Variants in IL1RAPL1 observed in about 807,000 individuals in gnomAD.
IL1RAPL1 encodes the protein interleukin-1 receptor accessory protein-like 1.
A neutral mutation model predicts 48.4 loss-of-function variants in IL1RAPL1; 3 were observed. That is an observed-to-expected ratio of 0.06 (90% CI 0.03 to 0.16). The LOEUF is 0.16. Among genes scored for constraint, IL1RAPL1 ranks in the 10% least tolerant of loss-of-function variants. IL1RAPL1 has a pLI of 1.00. For missense variants in IL1RAPL1, 349 were observed against 530.6 expected, an observed-to-expected ratio of 0.66 and a Z score of 3.36; for synonymous variants, 185 against 187.7, an observed-to-expected ratio of 0.99 and a Z score of 0.12.
Position 29,277,189 on chromosome X carries a change from T to G in IL1RAPL1, c.83-5749T>G, listed in dbSNP as rs147073985. Among the ~76,000 whole-genome samples the G allele has an allele frequency of 4.9e-3, 555 of 112,184 alleles. 3 individuals carry two copies. The highest frequency in any genetic ancestry group is 0.016 in the African/African-American group (509 of 30,905). On this transcript the variant is annotated intron_variant, in intron 2 of 10. Transcript: ENST00000378993. ...GAAAATAAGAATCCAGATTTTCTTGTAGGATGACGTGCATCTGTTTGTGTT... is the reference window on the plus strand; with the variant it reads ...GAAAATAAGAATCCAGATTTTCTTGGAGGATGACGTGCATCTGTTTGTGTT...
intron 1 of IL1RAPL1, among the ~76,000 whole-genome samples, chrX:28,640,414 C>T (rs563866803): frequency 9.0e-6 from 1 of 110,541 alleles, no homozygotes; most frequent in Non-Finnish European, 1.9e-5. Context: ...GGTGTCATCT[C>T]GGCTCATTGC....
chrX:28,877,714 G>A (rs182605898), intron 2 of IL1RAPL1, among the ~76,000 whole-genome samples: 3 of 111,456 alleles, frequency 2.7e-5, no homozygotes, highest in South Asian at 3.7e-4. Flanking sequence ...GATAGTAAAC[G>A]CCAATTGTGA....
chrX:29,187,412 C>T (rs1318574254), intron 2 of IL1RAPL1, among the ~76,000 whole-genome samples: 1 of 111,253 alleles, frequency 9.0e-6, no homozygotes, highest in Admixed American at 9.6e-5. Context: ...GGCCTTATTA[C>T]TCATGGCAAT....
chrX:29,140,356 A>G (rs1436459862), intron 2 of IL1RAPL1, among the ~76,000 whole-genome samples: 2 of 112,275 alleles, frequency 1.8e-5, no homozygotes, highest in African/African-American at 3.2e-5. Flanking sequence ...TTAAAATTTT[A>G]TCAAACATCT....
intron 3 of IL1RAPL1, among the ~76,000 whole-genome samples, chrX:29,353,694 C>G (rs931606051): frequency 9.1e-6 from 1 of 110,438 alleles, no homozygotes; most frequent in African/African-American, 3.3e-5. Flanking sequence ...AGACTTTTCC[C>G]CTAGTATTCT....
chrX:28,747,511 C>T (rs1162574811), intron 1 of IL1RAPL1, among the ~76,000 whole-genome samples: 1 of 110,628 alleles, frequency 9.0e-6, no homozygotes, highest in Non-Finnish European at 1.9e-5. Context: ...GGTGGTGGCG[C>T]ACACCTGTAA....
intron 9 of IL1RAPL1, among the ~76,000 whole-genome samples, chrX:29,948,785 C>T (rs746061957): frequency 9.3e-5 from 10 of 108,078 alleles, no homozygotes; most frequent in Non-Finnish European, 1.2e-4. Context: ...TGAATGACAG[C>T]CTCTGCCACT....
At chrX:28,867,058 G>T (rs1255761735) in intron 2 of IL1RAPL1, among the ~76,000 whole-genome samples, 1 of 110,149 alleles carries the variant, frequency 9.1e-6, no homozygotes, top group African/African-American at 3.3e-5. Flanking sequence ...AAGAGCAAAA[G>T]GTATGAAATA....
chrX:29,878,631 A>G (rs1020326270), intron 6 of IL1RAPL1, among the ~76,000 whole-genome samples: 7 of 112,095 alleles, frequency 6.2e-5, no homozygotes, highest in African/African-American at 2.3e-4. Flanking sequence ...TGTATTATCT[A>G]CAGATATAAT....
At chrX:29,425,939 C>T (rs1453069925) in intron 5 of IL1RAPL1, among the ~76,000 whole-genome samples, 1 of 111,356 alleles carries the variant, frequency 9.0e-6, no homozygotes, top group East Asian at 2.8e-4. Flanking sequence ...CAGTTTAGCC[C>T]TCCAGAGTTG....
chrX:29,667,226 A>G (rs921398244), intron 5 of IL1RAPL1, among the ~76,000 whole-genome samples: 3 of 112,344 alleles, frequency 2.7e-5, no homozygotes, highest in African/African-American at 9.7e-5. Flanking sequence ...TTGTTCTTCC[A>G]AACTAAAACT....
intron 5 of IL1RAPL1, among the ~76,000 whole-genome samples, chrX:29,657,950 A>G: frequency 9.3e-6 from 1 of 107,812 alleles, no homozygotes; most frequent in Non-Finnish European, 1.9e-5. Context: ...ATCATCATTT[A>G]TCTCAATAAT....
chrX:29,803,250 TATAC>T (rs1930104492), intron 6 of IL1RAPL1, among the ~76,000 whole-genome samples: 5 of 32,950 alleles, frequency 1.5e-4, no homozygotes, highest in Non-Finnish European at 2.4e-4. Context: ...TATGTATACA[TATAC>T]ACACATGTAT....
chrX:29,444,347 A>AG (rs1934586492), intron 5 of IL1RAPL1, among the ~76,000 whole-genome samples: 1 of 109,216 alleles, frequency 9.2e-6, no homozygotes, highest in African/African-American at 3.3e-5. Flanking sequence ...GTCTAAAAAA[A>AG]AAAAAAAAAA....
At chrX:28,666,277 T>C (rs758297375) in intron 1 of IL1RAPL1, among the ~76,000 whole-genome samples, 2 of 112,124 alleles carry the variant, frequency 1.8e-5, no homozygotes, top group South Asian at 7.4e-4. Flanking sequence ...TTGAACTTGC[T>C]AAAAGACACA....
rs1264367611 is a variant in IL1RAPL1, at chrX:28,970,070, G to A, written c.82+180645G>A. Among the ~76,000 whole-genome samples, 7 of 110,274 alleles carry A rather than the reference G, an allele frequency of 6.3e-5. No homozygotes were observed. The East Asian group carries it at 1.7e-3, about 27-fold the overall frequency. On this transcript the variant is annotated intron_variant, in intron 2 of 10. Transcript: ENST00000378993. The stretch of plus-strand genomic sequence containing the variant: ...GGCTGGAGTGCAATGGTGCAACCTC[G>A]GCTCACTGCAACCTCCACCTCCCGG...
intron 5 of IL1RAPL1, among the ~76,000 whole-genome samples, chrX:29,650,430 C>A (rs1251247099): frequency 9.1e-6 from 1 of 109,991 alleles, no homozygotes; most frequent in Admixed American, 9.7e-5. Flanking sequence ...AAACATAGAC[C>A]AATGAAGCAG....
At chrX:29,452,155 A>G (rs912196186) in intron 5 of IL1RAPL1, among the ~76,000 whole-genome samples, 2 of 112,502 alleles carry the variant, frequency 1.8e-5, no homozygotes, top group African/African-American at 6.5e-5. Flanking sequence ...TAAAGCTATC[A>G]TAAATAAAGC....
intron 5 of IL1RAPL1, among the ~76,000 whole-genome samples, chrX:29,433,450 T>G (rs750339168): frequency 9.0e-6 from 1 of 111,349 alleles, no homozygotes; most frequent in East Asian, 2.8e-4. Flanking sequence ...AAGTAATACT[T>G]TGATGAATAT....
Sources: gnomAD v4.1 joint callset for allele counts (sites outside exome capture counted in the v4.1 genomes callset) on GRCh38, gnomAD v4.1.1 for gene constraint, MANE v1.5 for transcripts, NCBI Gene and HGNC (gene_info 2026-07-23, HGNC 2026-07-21) for gene names.